The following COL4A2 variants were observed in gnomAD, a reference collection of about 807,000 sequenced individuals.
COL4A2 encodes the protein collagen type IV alpha 2 chain, also known as collagen alpha-2(IV) chain.
Under a neutral mutation model 200.2 loss-of-function variants are expected in COL4A2, and 99 were observed. That is an observed-to-expected ratio of 0.49 (90% CI 0.42 to 0.58). COL4A2 has a LOEUF of 0.58. Among genes scored for constraint, COL4A2 ranks in the 20% least tolerant of loss-of-function variants. COL4A2 has a pLI of 0.00. For synonymous variants in COL4A2, 897 were observed against 900.6 expected (o/e 1.00, Z 0.07); for missense variants, 1,950 against 2,314.1 (o/e 0.84, Z 3.23).
At position 110,428,358 on chromosome 13, in the gene COL4A2, T is replaced by A. The variant is rs1880545015; in HGVS notation, c.361-109T>A. The stretch of plus-strand genomic sequence containing the variant: ...ACTTTTGAGGTGTCTTTTCCTTGGA[T>A]TCATGCCGGGAACATGGCTTATGAG... On this transcript the variant is annotated intron_variant, in intron 6 of 47. Coordinates refer to ENST00000360467, the MANE Select transcript of COL4A2 (RefSeq NM_001846.4). 7 of 689,264 alleles carry A rather than the reference T, an allele frequency of 1.0e-5. No individual in the cohort carries two copies. The Admixed American group carries it at 1.8e-4, about 17-fold the overall frequency. 42.7% of individuals were successfully genotyped at this position (689,264 alleles called of 1,614,324 possible). A position where few individuals can be genotyped will look rare whatever the true frequency, so the allele number is the denominator to read the frequency against.
At chr13:110,488,454 A>AG (rs372852215) in intron 34 of COL4A2, among the ~76,000 whole-genome samples, 15 of 152,244 alleles carry the variant, frequency 9.9e-5, no homozygotes, top group African/African-American at 3.4e-4. Flanking sequence ...GCCACTCTGG[A>AG]GGGGAAAACT....
chr13:110,506,560 C>T lies in COL4A2; in HGVS notation c.4548C>T (p.Ser1516=), dbSNP rs1172316627. 6.2e-7 allele frequency: 1 copy of T among 1,613,272 alleles called. No individual in the cohort carries two copies. Among genetic ancestry groups the T allele is most frequent in the South Asian group, 1.1e-5 (1 of 90,872 alleles). The stretch of plus-strand genomic sequence containing the variant: ...TGAACAAACTCTGGAGTGGATACAG[C>T]CTGCTGTACTTCGAGGGCCAGGAGA... ...VGMNKLWSGY[S]LLYFEGQEKA... Residue 1516 remains serine, a synonymous_variant, in exon 46 of 48, where the codon AGC becomes AGT. Transcript: ENST00000360467.
At position 110,458,816 on chromosome 13, in the gene COL4A2, A is replaced by G. The variant is rs1432166098; in HGVS notation, c.1478A>G (p.Lys493Arg). The change falls in exon 22 of 48, where the codon AAA (lysine) becomes AGA (arginine). Residue 493 changes from lysine to arginine, a missense_variant. Lys to Arg is a conservative substitution (Grantham distance 26, BLOSUM62 2). Around this residue, in one of 2 missense-constraint regions of COL4A2, gnomAD observed 1,385 missense variants for 1,720.5 expected, o/e 0.80. Coordinates refer to ENST00000360467, the MANE Select transcript of COL4A2 (RefSeq NM_001846.4). ...CRCTEGDEAI[K>R]GLPGLPGPKG... ...TGTACAGAAGGCGACGAAGCTATCA[A>G]AGGTCTTCCGGGACTGCCAGGACCC... 6.2e-7 allele frequency: 1 copy of G among 1,613,814 alleles called. No homozygotes were observed. The highest frequency in any genetic ancestry group is 8.5e-7 in the Non-Finnish European group (1 of 1,179,950).
chr13:110,488,866 C>G (rs963455517), intron 34 of COL4A2, among the ~76,000 whole-genome samples: 1 of 152,178 alleles, frequency 6.6e-6, no homozygotes, highest in Non-Finnish European at 1.5e-5. Flanking sequence ...TGATGGAGAC[C>G]TGGGCCACTG....
intron 19 of COL4A2, 49 bp from the exon 20 acceptor site, chr13:110,450,256 G>A (rs765934588): frequency 3.2e-5 from 50 of 1,557,076 alleles, no homozygotes; most frequent in African/African-American, 2.8e-4. Flanking sequence ...CAAAGGCAGC[G>A]GTGTGGTATG....
chr13:110,488,282 C>T (rs980126619), intron 34 of COL4A2, among the ~76,000 whole-genome samples: 1 of 152,336 alleles, frequency 6.6e-6, no homozygotes, highest in Admixed American at 6.5e-5. Flanking sequence ...ACCTCGGCCT[C>T]CCAAAGTGCT....
intron 31 of COL4A2, 77 bp downstream of exon 31, chr13:110,480,467 C>A: frequency 6.9e-7 from 1 of 1,451,482 alleles, no homozygotes; most frequent in Non-Finnish European, 9.2e-7. Flanking sequence ...GACAGCTCTG[C>A]TGGGCGCCTC....
At chr13:110,408,882 C>T (rs1269916200) in intron 4 of COL4A2, among the ~76,000 whole-genome samples, 3 of 128,890 alleles carry the variant, frequency 2.3e-5, no homozygotes, top group Admixed American at 8.0e-5. Context: ...CACATGGACA[C>T]GCGCACACGT....
At chr13:110,472,852 C>T (rs931955910) in intron 28 of COL4A2, 77 bp from the exon 29 acceptor site, 1 of 1,430,478 alleles carries the variant, frequency 7.0e-7, no homozygotes, top group African/African-American at 1.4e-5. Flanking sequence ...TTGCTGTTTC[C>T]AGCCTCTTTT....
At chr13:110,481,670 T>C (rs61970300) in intron 31 of COL4A2, among the ~76,000 whole-genome samples, 288 of 18,832 alleles carry the variant, frequency 0.015, 38 homozygotes, top group Non-Finnish European at 0.024. Flanking sequence ...AGACACACAG[T>C]TCTGTCCTTC....
intron 4 of COL4A2, among the ~76,000 whole-genome samples, chr13:110,421,669 A>G (rs924345751): frequency 1.6e-4 from 25 of 152,240 alleles, no homozygotes; most frequent in Non-Finnish European, 3.5e-4. Flanking sequence ...TGGTGAATGC[A>G]CTGAAAGGCA....
intron 3 of COL4A2, among the ~76,000 whole-genome samples, chr13:110,310,561 T>G (rs1004750582): frequency 6.6e-6 from 1 of 152,248 alleles, no homozygotes; most frequent in Non-Finnish European, 1.5e-5. Flanking sequence ...AAGGGGCTGG[T>G]CTTCTACTTA....
chr13:110,333,140 T>G (rs755374576), intron 3 of COL4A2, among the ~76,000 whole-genome samples: 1 of 152,208 alleles, frequency 6.6e-6, no homozygotes, highest in African/African-American at 2.4e-5. Context: ...TGACCTTGAC[T>G]TATGACCCCT....
At chr13:110,439,239 A>G (rs933250520) in intron 15 of COL4A2, among the ~76,000 whole-genome samples, 3 of 152,190 alleles carry the variant, frequency 2.0e-5, no homozygotes, top group East Asian at 1.9e-4. Context: ...AGGAAGAGAA[A>G]GCAGAATTTT....
chr13:110,370,731 TC>T (rs1190226022), intron 4 of COL4A2, among the ~76,000 whole-genome samples: 1 of 152,230 alleles, frequency 6.6e-6, no homozygotes, highest in Non-Finnish European at 1.5e-5. Flanking sequence ...AAGGTGTTCT[TC>T]TGCCCTTGAT....
intron 4 of COL4A2, among the ~76,000 whole-genome samples, chr13:110,364,809 C>T (rs200432295): frequency 2.6e-5 from 4 of 152,140 alleles, no homozygotes; most frequent in African/African-American, 7.2e-5. Context: ...CCAAACTCAA[C>T]GGAGATTGGA....
chr13:110,373,460 C>T (rs908807230), intron 4 of COL4A2, among the ~76,000 whole-genome samples: 2 of 152,156 alleles, frequency 1.3e-5, no homozygotes, highest in Non-Finnish European at 2.9e-5. Context: ...ATCAGAACAA[C>T]TTATAGAACA....
chr13:110,453,723 A>G (rs540318783), intron 20 of COL4A2, among the ~76,000 whole-genome samples: 1 of 152,360 alleles, frequency 6.6e-6, no homozygotes, highest in Admixed American at 6.5e-5. Context: ...TAATAAAATG[A>G]ATGGCATCAG....
intron 30 of COL4A2, 94 bp from the exon 31 acceptor site, chr13:110,480,126 T>C: frequency 7.4e-7 from 1 of 1,348,370 alleles, no homozygotes; most frequent in East Asian, 2.4e-5. Context: ...CTAAGGAGCT[T>C]TTCTTACTGA....
Sources: gnomAD v4.1 joint callset for allele counts (sites outside exome capture counted in the v4.1 genomes callset) on GRCh38, gnomAD v4.1.1 for gene constraint, gnomAD v4.1.1 regional missense constraint, MANE v1.5 for transcripts, NCBI Gene and HGNC (gene_info 2026-07-23, HGNC 2026-07-21) for gene names.